IGSF9B: variants seen among roughly 807,000 people sequenced by gnomAD.
IGSF9B encodes protein turtle homolog B.
A neutral mutation model predicts 143.7 loss-of-function variants in IGSF9B; 48 were observed. The ratio of observed to expected loss-of-function variants is 0.33; its 90% CI spans 0.26 to 0.42. IGSF9B has a LOEUF of 0.42. IGSF9B is among the 20% of genes least tolerant of loss of function. The pLI, the probability that IGSF9B is intolerant of heterozygous loss-of-function variation, is 1.00. For missense variants in IGSF9B, 1,706 were observed against 1,980.0 expected, an observed-to-expected ratio of 0.86 and a Z score of 2.63; for synonymous variants, 903 against 833.1, an observed-to-expected ratio of 1.08 and a Z score of -1.44.
chr11:133,914,210 T>C (rs1003155577), intron 18 of IGSF9B, among the ~76,000 whole-genome samples: 1 of 152,198 alleles, frequency 6.6e-6, no homozygotes, highest in African/African-American at 2.4e-5. Context: ...GATACTACAA[T>C]GCCCCCATTT....
intron 17 of IGSF9B, 47 bp downstream of exon 17, chr11:133,922,130 C>A (rs375009267): frequency 5.8e-6 from 9 of 1,557,802 alleles, no homozygotes; most frequent in Admixed American, 1.7e-5. Context: ...TACCTATGCG[C>A]CCCCTGCCAT....
intron 17 of IGSF9B, among the ~76,000 whole-genome samples, chr11:133,921,721 TC>T (rs1939542538): frequency 6.6e-6 from 1 of 151,948 alleles, no homozygotes; most frequent in Non-Finnish European, 1.5e-5. Context: ...CATCCGTCTT[TC>T]CAGTGAACAC....
intron 7 of IGSF9B, among the ~76,000 whole-genome samples, chr11:133,935,086 T>G (rs925366169): frequency 2.6e-5 from 4 of 152,186 alleles, no homozygotes; most frequent in African/African-American, 9.6e-5. Flanking sequence ...GAGCAGCTCA[T>G]TCATCTGGAT....
Position 133,909,184 on chromosome 11 carries a change from C to G in IGSF9B, c.4199G>C (p.Arg1400Pro). ...VCLRKKKRHS[R>P]PDPFARLSDL... ...TGAGAGCCGGGCAAAGGGGTCAGGA[C>G]GAGAATGTCTCTTCTTCTTTCGGAG... Residue 1400 changes from arginine to proline, a missense_variant, in exon 20 of 20, where the codon CGT (arginine) becomes CCT (proline). By Grantham distance (103) the Arg-to-Pro change is moderately radical. Around this residue, in one of 7 missense-constraint regions of IGSF9B, gnomAD observed 880 missense variants for 762.9 expected, o/e 1.15. Coordinates refer to ENST00000533871, the MANE Select transcript of IGSF9B (RefSeq NM_001277285.4). This position sits in a 1 kb window ranked among gnomAD's most constrained non-coding sequence, Gnocchi z 4.2. The G allele has an allele frequency of 1.3e-6, 2 of 1,535,858 alleles. No individual in the cohort carries two copies. The highest frequency in any genetic ancestry group is 1.7e-4 in the Middle Eastern group (1 of 5,984).
chr11:133,935,195 G>C (rs1032276910), intron 7 of IGSF9B, among the ~76,000 whole-genome samples: 3 of 152,222 alleles, frequency 2.0e-5, no homozygotes, highest in Non-Finnish European at 4.4e-5. Context: ...GGAAAGGCAG[G>C]GAGTAAGGCT....
At chr11:133,936,631 A>C (rs1939828838) in intron 5 of IGSF9B, among the ~76,000 whole-genome samples, 1 of 152,164 alleles carries the variant, frequency 6.6e-6, no homozygotes, top group Non-Finnish European at 1.5e-5. Context: ...CTGCACAGAC[A>C]AAGGGGGCAG....
rs1217807510 is a variant in IGSF9B, at chr11:133,899,555, G to A, written c.*9514C>T. On this transcript the variant is annotated 3_prime_UTR_variant, in exon 20 of 20. Coordinates refer to ENST00000533871, the MANE Select transcript of IGSF9B (RefSeq NM_001277285.4). ...GTTGGAGGCTGAGGAATAGAATGGTGACATGTGGGCCAGTGGCTCTCCCAG... is the reference window on the plus strand; with the variant it reads ...GTTGGAGGCTGAGGAATAGAATGGTAACATGTGGGCCAGTGGCTCTCCCAG... 6.6e-6 allele frequency: 1 copy of A among 152,450 alleles called. No homozygotes were observed. Among genetic ancestry groups the A allele is most frequent in the East Asian group, 1.9e-4 (1 of 5,200 alleles). 9.4% of individuals were successfully genotyped at this position (152,450 alleles called of 1,614,324 possible).
chr11:133,937,780 G>A (rs181422143), intron 4 of IGSF9B, 30 bp downstream of exon 4: 60 of 1,599,204 alleles, frequency 3.8e-5, no homozygotes, highest in Middle Eastern at 3.3e-4. Flanking sequence ...GGAAGAGACC[G>A]CAGCGGCCCC....
chr11:133,947,830 T>C (rs1940084009), intron 1 of IGSF9B, among the ~76,000 whole-genome samples: 1 of 151,788 alleles, frequency 6.6e-6, no homozygotes, highest in South Asian at 2.1e-4. Flanking sequence ...GGATCTCTGT[T>C]TGTCTGTCTG....
At chr11:133,926,202 A>C (rs1351172845) in intron 13 of IGSF9B, among the ~76,000 whole-genome samples, 1 of 152,238 alleles carries the variant, frequency 6.6e-6, no homozygotes, top group Non-Finnish European at 1.5e-5. Flanking sequence ...AAATGTCATC[A>C]AAGTATCTCC....
chr11:133,951,490 G>A (rs917979297), intron 1 of IGSF9B, among the ~76,000 whole-genome samples: 39 of 152,364 alleles, frequency 2.6e-4, no homozygotes, highest in African/African-American at 8.7e-4. Context: ...GGGCCGCTCC[G>A]GCCCTGAGCC....
intron 1 of IGSF9B, among the ~76,000 whole-genome samples, chr11:133,956,448 G>A (rs1305473255): frequency 6.6e-6 from 1 of 152,054 alleles, no homozygotes; most frequent in South Asian, 2.1e-4. Flanking sequence ...CTTTCCCCGA[G>A]TGCCCGGCAG....
rs769613312 is a variant in IGSF9B at position 133,919,126 on chromosome 11, G to A, written c.3983+616C>T. 55 of 362,536 alleles carry A rather than the reference G, an allele frequency of 1.5e-4. 7 individuals carry two copies. Among genetic ancestry groups the A allele is most frequent in the Non-Finnish European group, 2.1e-4 (37 of 178,164 alleles). The allele number at this position is 362,536 out of a possible 1,614,324, so 22.5% of individuals were successfully genotyped here. On this transcript the variant is annotated intron_variant, in intron 18 of 19. Coordinates refer to ENST00000533871, the MANE Select transcript of IGSF9B (RefSeq NM_001277285.4). The stretch of plus-strand genomic sequence containing the variant: ...GCTTCCTGCGAGGTATACGGGGGGG[G>A]GGTGGGGGACGTGTCCTGCACATGG...
chr11:133,937,533 ACACC>A, intron 4 of IGSF9B, 40 bp from the exon 5 acceptor site: 2 of 1,495,428 alleles, frequency 1.3e-6, no homozygotes, highest in Non-Finnish European at 9.3e-7. Context: ...ACCCACGCTC[ACACC>A]CACCGCTGCT....
At chr11:133,919,626 C>T (rs947013688) in intron 18 of IGSF9B, 116 bp downstream of exon 18, 14 of 679,318 alleles carry the variant, frequency 2.1e-5, no homozygotes, top group South Asian at 4.7e-5. Context: ...GACGCCGGTG[C>T]GGCATGTCCG....
Position 133,922,873 on chromosome 11 carries a change from G to C in IGSF9B, c.2120-143C>G, listed in dbSNP as rs1237786053. The C allele has an allele frequency of 4.1e-6, 3 of 725,806 alleles. No homozygotes were observed. In the African/African-American group the frequency reaches 5.3e-5, roughly 13 times the overall value. The allele number at this position is 725,806 out of a possible 1,614,324, so 45.0% of individuals were successfully genotyped here. A position where few individuals can be genotyped will look rare whatever the true frequency, so the allele number is the denominator to read the frequency against. On this transcript the variant is annotated intron_variant, in intron 15 of 19. Transcript: ENST00000533871. ...GGGCTCCAAGCTGAACTCTAGCACTGAAGAGGTTTGGATGGCGTCACGAAG... is the reference window on the plus strand; with the variant it reads ...GGGCTCCAAGCTGAACTCTAGCACTCAAGAGGTTTGGATGGCGTCACGAAG...
At chr11:133,918,511 G>C (rs1939437944) in intron 18 of IGSF9B, among the ~76,000 whole-genome samples, 1 of 152,110 alleles carries the variant, frequency 6.6e-6, no homozygotes, top group Admixed American at 6.5e-5. Flanking sequence ...CAGGGCGGCC[G>C]CGGCACCTCC....
chr11:133,946,131 C>T lies in IGSF9B; in HGVS notation c.192G>A (p.Lys64=), dbSNP rs577088514. The T allele has an allele frequency of 5.0e-6, 8 of 1,611,876 alleles. No homozygotes were observed. The East Asian group carries it at 1.6e-4, about 31-fold the overall frequency. ...QPPPYVVEWF[K]FGVPIPIFIK... Reference sequence around the variant, plus strand: ...TGAAGATAGGGATGGGGACCCCGAACTTGAACCACTCTACGACATAGGGTG... The same window carrying T: ...TGAAGATAGGGATGGGGACCCCGAATTTGAACCACTCTACGACATAGGGTG... Residue 64 remains lysine, a synonymous_variant, in exon 2 of 20, where the codon AAG becomes AAA. Transcript: ENST00000533871.
chr11:133,955,218 C>G (rs765228794), intron 1 of IGSF9B, among the ~76,000 whole-genome samples: 1 of 152,122 alleles, frequency 6.6e-6, no homozygotes, highest in Non-Finnish European at 1.5e-5. Flanking sequence ...CAAGCGCAGC[C>G]CGATGCACCT....
Sources: allele counts gnomAD v4.1 joint callset (sites outside exome capture counted in the v4.1 genomes callset), GRCh38; gene constraint gnomAD v4.1.1; regional missense constraint gnomAD v4.1.1; non-coding constraint Gnocchi (gnomAD v3.1); transcripts MANE v1.5; gene names NCBI Gene and HGNC (gene_info 2026-07-23, HGNC 2026-07-21).